BEND2: variants seen among roughly 807,000 people sequenced by gnomAD.
BEND2 encodes the protein BEN domain-containing protein 2.
A neutral mutation model predicts 43.8 loss-of-function variants in BEND2; 19 were observed. The ratio of observed to expected loss-of-function variants is 0.43; its 90% CI spans 0.30 to 0.64. The LOEUF (loss-of-function observed/expected upper bound fraction) is 0.64, where lower values mean the gene tolerates loss of function less well. Ranked by LOEUF, BEND2 falls within the 30% of genes least tolerant of loss-of-function variation. BEND2 has a pLI of 0.11. For missense variants in BEND2, 544 were observed against 574.0 expected, an observed-to-expected ratio of 0.95 and a Z score of 0.53; for synonymous variants, 226 against 210.1, an observed-to-expected ratio of 1.08 and a Z score of -0.66.
chrX:18,181,295 C>T (rs1480963996), intron 8 of BEND2, among the ~76,000 whole-genome samples: 1 of 110,631 alleles, frequency 9.0e-6, no homozygotes, highest in African/African-American at 3.3e-5. Context: ...AGTGAAATTG[C>T]TGGAAATTTC....
At chrX:18,209,068 A>G (rs1925428284) in intron 4 of BEND2, among the ~76,000 whole-genome samples, 1 of 112,168 alleles carries the variant, frequency 8.9e-6, no homozygotes, top group South Asian at 3.7e-4. Flanking sequence ...CATGGGAATC[A>G]ACTGAAGGAG....
In BEND2 at chrX:18,203,786, A is replaced by G; in HGVS notation, c.622T>C (p.Tyr208His). ...GAACTTGAGGAGACAATTCTGGGAT[A>G]TGATAAACTCTCACTGAGGTCTGCT... ...QEADLSESLS[Y>H]PRIVSSSSLQ... The change falls in exon 5 of 14, where the codon TAT becomes CAT. Residue 208 changes from tyrosine (Y) to histidine (H), a missense_variant. Tyr to His is a moderately conservative substitution (Grantham distance 83). Transcript: ENST00000380033. 8.3e-7 allele frequency: 1 copy of G among 1,211,382 alleles called. No individual in the cohort carries two copies. The highest frequency in any genetic ancestry group is 1.1e-6 in the Non-Finnish European group (1 of 895,004).
At chrX:18,195,879 C>T (rs1924929137) in intron 6 of BEND2, among the ~76,000 whole-genome samples, 3 of 65,690 alleles carry the variant, frequency 4.6e-5, no homozygotes, top group Admixed American at 2.5e-4. Context: ...AAAAGAAGAA[C>T]GAAAGAACGA....
chrX:18,181,376 G>C (rs1360702993), intron 8 of BEND2, among the ~76,000 whole-genome samples: 1 of 111,159 alleles, frequency 9.0e-6, no homozygotes, highest in East Asian at 2.8e-4. Context: ...AGTATCCTTA[G>C]CAGCTTTATT....
chrX:18,164,800 T>C lies in BEND2; in HGVS notation c.*209A>G. ...TTACTACCATTCCCTCAATCAGAGG[T>C]TGTCATCAAATCCACAGATGAAACA... On this transcript the variant is annotated 3_prime_UTR_variant, in exon 14 of 14. Transcript: ENST00000380033. 2.5e-6 allele frequency: 1 copy of C among 398,945 alleles called. No homozygotes were observed. Among genetic ancestry groups the C allele is most frequent in the Middle Eastern group, 6.8e-4 (1 of 1,472 alleles). 32.9% of individuals were successfully genotyped at this position (398,945 alleles called of 1,213,427 possible).
At chrX:18,207,316 G>C (rs962663486) in intron 4 of BEND2, among the ~76,000 whole-genome samples, 1 of 111,730 alleles carries the variant, frequency 9.0e-6, no homozygotes, top group African/African-American at 3.3e-5. Context: ...CTCTGGCTTA[G>C]AACTCAGAAA....
At chrX:18,190,762 TCTCTCA>T (rs1440540327) in intron 8 of BEND2, among the ~76,000 whole-genome samples, 1 of 87,678 alleles carries the variant, frequency 1.1e-5, no homozygotes, top group African/African-American at 4.3e-5. Flanking sequence ...TCTCTCTCTC[TCTCTCA>T]CACACACACA....
chrX:18,209,050 C>A (rs761008696), intron 4 of BEND2, among the ~76,000 whole-genome samples: 32 of 111,471 alleles, frequency 2.9e-4, no homozygotes, highest in African/African-American at 1.0e-3. Context: ...AGGGACAAGT[C>A]AAAAGGCCAT....
intron 6 of BEND2, 109 bp from the exon 7 acceptor site, chrX:18,195,551 C>A (rs1924915105): frequency 2.6e-6 from 2 of 772,169 alleles, no homozygotes; most frequent in South Asian, 6.0e-5. Flanking sequence ...CTAAAAAAAT[C>A]TGTCCCTAGC....
intron 6 of BEND2, among the ~76,000 whole-genome samples, chrX:18,197,834 AGGGGGAGGTAACTGAATCATG>A (rs1372277604): frequency 9.0e-6 from 1 of 111,358 alleles, no homozygotes; most frequent in East Asian, 2.8e-4. Flanking sequence ...GGAGGGACCT[AGGGGGAGGTAACTGAATCATG>A]GGGGCCAGTC....
At chrX:18,193,331 A>AAAG (rs1251790350) in intron 7 of BEND2, among the ~76,000 whole-genome samples, 2 of 70,068 alleles carry the variant, frequency 2.9e-5, no homozygotes, top group African/African-American at 6.7e-5. Flanking sequence ...TGTCTCACAA[A>AAAG]AAGAAAAGAA....
At chrX:18,208,358 G>A (rs1438444666) in intron 4 of BEND2, among the ~76,000 whole-genome samples, 1 of 108,896 alleles carries the variant, frequency 9.2e-6, no homozygotes, top group Non-Finnish European at 1.9e-5. Context: ...GTGGTGGCAC[G>A]TGCCTGTAGT....
At chrX:18,194,951 G>C (rs1003282933) in intron 7 of BEND2, among the ~76,000 whole-genome samples, 1 of 102,007 alleles carries the variant, frequency 9.8e-6, no homozygotes, top group African/African-American at 3.8e-5. Flanking sequence ...CCTACTTGTG[G>C]AATAAAGCTG....
intron 4 of BEND2, among the ~76,000 whole-genome samples, chrX:18,206,154 G>C (rs113871225): frequency 0.022 from 2,466 of 111,476 alleles, 75 homozygotes; most frequent in African/African-American, 0.076. Context: ...ACAGTGCTCA[G>C]TGGTCTCTTC....
Position 18,203,580 on chromosome X carries a change from C to T in BEND2, c.828G>A (p.Val276=), listed in dbSNP as rs1312615895. 2 of 1,210,851 alleles carry T rather than the reference C, an allele frequency of 1.7e-6. No homozygotes were observed. Among genetic ancestry groups the T allele is most frequent in the Non-Finnish European group, 2.2e-6 (2 of 894,744 alleles). ...CATTTTCTGGTAGAGCAGAGTAATT[C>T]ACCACACCAGGGTTATTTGCCAGAC... ...ESSLANNPGV[V]NYSALPENEN... is the part of the protein sequence containing the mutation. The change falls in exon 5 of 14, where the codon GTG becomes GTA. Residue 276 remains valine (V), a synonymous_variant. Coordinates refer to ENST00000380033, the MANE Select transcript of BEND2 (RefSeq NM_153346.5).
Position 18,203,745 on chromosome X carries a change from G to A in BEND2, c.663C>T (p.Val221=), listed in dbSNP as rs200987040. Residue 221 remains valine (V), a synonymous_variant, in exon 5 of 14, where the codon GTC becomes GTT. Coordinates refer to ENST00000380033, the MANE Select transcript of BEND2 (RefSeq NM_153346.5). ...AACAAGGAAATGAGCCACCTTGTGC[G>A]ACATACTGCTGTAATGAACTTGAGG... The part of the protein sequence containing the change: ...IVSSSSLQQY[V]AQGGSFPCFG... 31 of 1,209,781 alleles carry A rather than the reference G, an allele frequency of 2.6e-5. No individual in the cohort carries two copies. In the African/African-American group the frequency reaches 3.5e-4, roughly 14 times the overall value.
chrX:18,195,833 C>A (rs777192488), intron 6 of BEND2, among the ~76,000 whole-genome samples: 189 of 104,060 alleles, frequency 1.8e-3, no homozygotes, highest in Non-Finnish European at 2.6e-3. Flanking sequence ...GCCATGATTG[C>A]ACCACTGCAC....
chrX:18,168,174 G>T (rs1412965738), intron 13 of BEND2, among the ~76,000 whole-genome samples: 3 of 112,106 alleles, frequency 2.7e-5, no homozygotes, highest in Non-Finnish European at 5.6e-5. Flanking sequence ...GAAGAATAAA[G>T]CTGCTATTTT....
rs956522968 is a variant in BEND2, at chrX:18,163,925, A to T, written c.*1084T>A. Reference sequence around the variant, plus strand: ...AACTGAACAGTGAATGAAGCCAAAGACTATCTTAGTTGGATTAAATCTGAA... The same window carrying T: ...AACTGAACAGTGAATGAAGCCAAAGTCTATCTTAGTTGGATTAAATCTGAA... On this transcript the variant is annotated 3_prime_UTR_variant, in exon 14 of 14. Coordinates refer to ENST00000380033, the MANE Select transcript of BEND2 (RefSeq NM_153346.5). 1 of 112,251 alleles carries T rather than the reference A, an allele frequency of 8.9e-6. No homozygotes were observed. The allele number at this position is 112,251 out of a possible 1,213,427, so 9.3% of individuals were successfully genotyped here. A position where few individuals can be genotyped will look rare whatever the true frequency, so the allele number is the denominator to read the frequency against.
Sources: gnomAD v4.1 joint callset for allele counts (sites outside exome capture counted in the v4.1 genomes callset) on GRCh38, gnomAD v4.1.1 for gene constraint, MANE v1.5 for transcripts, NCBI Gene and HGNC (gene_info 2026-07-23, HGNC 2026-07-21) for gene names.